Variants in C4BPA observed in about 807,000 individuals in gnomAD.
C4BPA encodes the protein C4b-binding protein alpha chain.
Under a neutral mutation model 63.7 loss-of-function variants are expected in C4BPA, and 31 were observed. The observed-to-expected ratio is 0.49, with a 90% CI of 0.37 to 0.66. The LOEUF (loss-of-function observed/expected upper bound fraction) is 0.66. Ranked by LOEUF, C4BPA falls within the 30% of genes least tolerant of loss-of-function variation. C4BPA has a pLI of 0.00. For missense variants in C4BPA, 572 were observed against 723.3 expected, an observed-to-expected ratio of 0.79 and a Z score of 2.40; for synonymous variants, 259 against 254.7, an observed-to-expected ratio of 1.02 and a Z score of -0.16.
chr1:207,104,767 A>C (rs1375873297), intron 1 of C4BPA, among the ~76,000 whole-genome samples: 2 of 152,324 alleles, frequency 1.3e-5, no homozygotes, highest in East Asian at 3.9e-4. Context: ...CCCACATCAG[A>C]GTTGAGGCAA....
intron 4 of C4BPA, among the ~76,000 whole-genome samples, chr1:207,121,134 T>C (rs989647313): frequency 3.9e-5 from 6 of 152,354 alleles, no homozygotes; most frequent in Admixed American, 2.6e-4. Flanking sequence ...TAAGTTGTTT[T>C]GAATATTTTA....
At chr1:207,126,404 A>G (rs1685044739) in intron 6 of C4BPA, among the ~76,000 whole-genome samples, 1 of 148,672 alleles carries the variant, frequency 6.7e-6, no homozygotes, top group Admixed American at 6.7e-5. Context: ...TCAGCTTTTA[A>G]AAGCCTCAGT....
chr1:207,140,700 G>A (rs1685396125), intron 9 of C4BPA, among the ~76,000 whole-genome samples: 1 of 152,248 alleles, frequency 6.6e-6, no homozygotes, highest in Non-Finnish European at 1.5e-5. Context: ...ACTGATTGGG[G>A]AGCAATGACT....
chr1:207,138,847 T>G (rs1027368516), intron 9 of C4BPA, among the ~76,000 whole-genome samples: 2 of 152,212 alleles, frequency 1.3e-5, no homozygotes, highest in African/African-American at 4.8e-5. Flanking sequence ...GGATGGGATA[T>G]CTTAGTGTTC....
Position 207,114,273 on chromosome 1 carries a change from AC to A in C4BPA, c.318del (p.Phe107SerfsTer18). On this transcript the variant is annotated frameshift_variant, in exon 3 of 12. Transcript: ENST00000367070. LOFTEE classifies it high-confidence loss of function. ...TTCTGATGGCGAATGGGTGTATAAC[AC>A]CTTCTGTATCTGTAAGTATCAACAT... ...CNSDGEWVYN[T>X]FCIYKRCRHP... 1 of 1,609,848 alleles carries A rather than the reference AC, an allele frequency of 6.2e-7. No individual in the cohort carries two copies. The highest frequency in any genetic ancestry group is 8.5e-7 in the Non-Finnish European group (1 of 1,177,598).
intron 7 of C4BPA, 108 bp downstream of exon 7, chr1:207,127,003 A>G (rs1176819330): frequency 4.1e-6 from 3 of 739,812 alleles, no homozygotes; most frequent in Non-Finnish European, 6.6e-6. Context: ...TACAGTAAAA[A>G]TTTACATCTA....
chr1:207,120,276 G>A (rs1684895052), intron 4 of C4BPA, among the ~76,000 whole-genome samples: 2 of 151,984 alleles, frequency 1.3e-5, no homozygotes, highest in Non-Finnish European at 2.9e-5. Flanking sequence ...TTGATTTTCG[G>A]GTAAACAACA....
At chr1:207,135,673 C>A (rs1451556867) in intron 9 of C4BPA, among the ~76,000 whole-genome samples, 1 of 152,254 alleles carries the variant, frequency 6.6e-6, no homozygotes, top group Middle Eastern at 3.4e-3. Context: ...TTACTGGGGA[C>A]CCAGAGCCAT....
intron 2 of C4BPA, among the ~76,000 whole-genome samples, 192 bp downstream of exon 2, chr1:207,113,359 T>G (rs1185365608): frequency 6.6e-6 from 1 of 152,190 alleles, no homozygotes; most frequent in African/African-American, 2.4e-5. Context: ...TATAGACACT[T>G]TCCCCTAGAT....
In C4BPA at chr1:207,116,573, C is replaced by G. The variant is rs866516367; in HGVS notation, c.428+1058C>G. Among the ~76,000 whole-genome samples, 5 of 137,912 alleles carry G rather than the reference C, an allele frequency of 3.6e-5. No individual in the cohort carries two copies. In the South Asian group the frequency reaches 7.0e-4, roughly 19 times the overall value. The allele number at this position is 137,912 out of a possible 152,430, so 90.5% of individuals were successfully genotyped here. On this transcript the variant is annotated intron_variant, in intron 4 of 11. Transcript: ENST00000367070. ...GTGTGTGTGTGTATAATGTTTTTGA[C>G]TTGGCTATTGGTATTTTTTCCCCTT... is the stretch of plus-strand genomic sequence containing the variant.
At position 207,143,822 on chromosome 1, in the gene C4BPA, G is replaced by A; in HGVS notation, c.1449G>A (p.Leu483=). Residue 483 remains leucine (L), a synonymous_variant, in exon 11 of 12, where the codon CTG becomes CTA. Coordinates refer to ENST00000367070, the MANE Select transcript of C4BPA (RefSeq NM_000715.4). ...WSAPAPQCKA[L]CRKPELVNGR... ...AAAAATATGTTTCCATTACAGCTCT[G>A]TGTCGGAAACCAGAATTAGTGAATG... 6.2e-7 allele frequency: 1 copy of A among 1,610,612 alleles called. No individual in the cohort carries two copies.
At chr1:207,110,006 T>A (rs557286889) in intron 1 of C4BPA, among the ~76,000 whole-genome samples, 38 of 152,338 alleles carry the variant, frequency 2.5e-4, no homozygotes, top group Middle Eastern at 3.4e-3. Context: ...GGATTTAAAT[T>A]CAATGCACAT....
At chr1:207,134,252 A>G (rs1461264487) in intron 8 of C4BPA, 152 bp from the exon 9 acceptor site, 4 of 574,088 alleles carry the variant, frequency 7.0e-6, no homozygotes, top group Non-Finnish European at 1.2e-5. Flanking sequence ...AAGGGGGGAA[A>G]GAGCAGACTT....
chr1:207,142,165 C>T (rs1343668466), intron 10 of C4BPA, among the ~76,000 whole-genome samples: 1,304 of 104,896 alleles, frequency 0.012, no homozygotes, highest in South Asian at 0.014. Context: ...TGAGAACATG[C>T]AGTGTTTGGT....
chr1:207,107,138 A>G (rs535258256), intron 1 of C4BPA, among the ~76,000 whole-genome samples: 6 of 152,356 alleles, frequency 3.9e-5, no homozygotes, highest in South Asian at 2.1e-4. Flanking sequence ...ATGCTTCACC[A>G]AGGAGGTGAC....
At chr1:207,121,052 C>T (rs1684911321) in intron 4 of C4BPA, among the ~76,000 whole-genome samples, 1 of 152,226 alleles carries the variant, frequency 6.6e-6, no homozygotes, top group Admixed American at 6.5e-5. Context: ...AATGGATTCT[C>T]TTGCCCCGGT....
At chr1:207,129,763 T>G (rs1236041497) in intron 7 of C4BPA, among the ~76,000 whole-genome samples, 1 of 152,196 alleles carries the variant, frequency 6.6e-6, no homozygotes, top group Non-Finnish European at 1.5e-5. Context: ...AATAAATTTT[T>G]ATAATTATTG....
chr1:207,143,618 A>C (rs1685467814), intron 10 of C4BPA, among the ~76,000 whole-genome samples, 200 bp from the exon 11 acceptor site: 1 of 152,246 alleles, frequency 6.6e-6, no homozygotes, highest in Non-Finnish European at 1.5e-5. Flanking sequence ...CAGGAGACTT[A>C]AATGATAGCA....
intron 9 of C4BPA, among the ~76,000 whole-genome samples, chr1:207,135,866 G>C (rs1279679132): frequency 6.6e-6 from 1 of 152,138 alleles, no homozygotes; most frequent in African/African-American, 2.4e-5. Context: ...CATGAGCATG[G>C]TCCCAACAAC....
Sources: allele counts gnomAD v4.1 joint callset (sites outside exome capture counted in the v4.1 genomes callset), GRCh38; gene constraint gnomAD v4.1.1; transcripts MANE v1.5; gene names NCBI Gene and HGNC (gene_info 2026-07-23, HGNC 2026-07-21).